Variants in HIVEP3 observed in about 807,000 individuals in gnomAD.
HIVEP3 encodes the protein transcription factor HIVEP3.
In HIVEP3, 49 loss-of-function variants were observed where a neutral mutation model predicts 152.8. The observed-to-expected ratio is 0.32, with a 90% CI of 0.26 to 0.41. The LOEUF (loss-of-function observed/expected upper bound fraction) is 0.41, where lower values mean the gene tolerates loss of function less well. HIVEP3 is among the 10% of genes least tolerant of loss of function. The pLI is 1.00. For synonymous variants in HIVEP3, 1,269 were observed against 1,289.0 expected (o/e 0.98, Z 0.33); for missense variants, 2,790 against 3,103.3 (o/e 0.90, Z 2.40).
rs113197629 is a variant in HIVEP3, at chr1:41,728,485, G to A, written c.-800-27490C>T. ...AAGGCGACAGAGCAGGGGGAGTAAG[G>A]GGGGGTGAAATGTAATCCCAAGGGG... On this transcript the variant is annotated intron_variant, in intron 1 of 8. Transcript: ENST00000372583. Among the ~76,000 whole-genome samples the A allele has an allele frequency of 7.6e-3, 1,159 of 152,198 alleles. 17 individuals are homozygous for A. Among genetic ancestry groups the A allele is most frequent in the African/African-American group, 0.026 (1,077 of 41,512 alleles).
intron 1 of HIVEP3, among the ~76,000 whole-genome samples, chr1:41,823,203 G>A (rs1305775852): frequency 3.3e-5 from 5 of 152,312 alleles, no homozygotes; most frequent in Non-Finnish European, 5.9e-5. Context: ...CCATGCCAGC[G>A]CCTTGGTCTT....
chr1:42,012,258 A>G (rs957617191), intron 1 of HIVEP3, among the ~76,000 whole-genome samples: 2 of 152,200 alleles, frequency 1.3e-5, no homozygotes, highest in Admixed American at 1.3e-4. Context: ...GAGGTACCTT[A>G]TAATTGGTGA....
intron 5 of HIVEP3, among the ~76,000 whole-genome samples, chr1:41,568,490 CG>C (rs1644203147): frequency 6.6e-6 from 1 of 152,222 alleles, no homozygotes; most frequent in African/African-American, 2.4e-5. Context: ...TCGGGGGACA[CG>C]GCGTAGGAGC....
chr1:41,754,242 G>C lies in HIVEP3; in HGVS notation c.-800-53247C>G, dbSNP rs144078875. 8.9e-3 allele frequency among the ~76,000 whole-genome samples: 1,350 copies of C among 152,226 alleles called. 21 individuals are homozygous for C. The highest frequency in any genetic ancestry group is 0.031 in the African/African-American group (1,290 of 41,522). The stretch of plus-strand genomic sequence containing the variant: ...CCCAGGACCTTTGGCTTTCACTCTG[G>C]GTGAGAAGGGAGGATTTTGAGCAGA... On this transcript the variant is annotated intron_variant, in intron 1 of 8. Coordinates refer to ENST00000372583, the MANE Select transcript of HIVEP3 (RefSeq NM_024503.5).
intron 1 of HIVEP3, among the ~76,000 whole-genome samples, chr1:41,856,914 T>C (rs1335553028): frequency 1.3e-5 from 2 of 152,120 alleles, no homozygotes; most frequent in African/African-American, 2.4e-5. Flanking sequence ...AACTGAGTTA[T>C]AATTTATTTT....
chr1:41,805,330 C>T (rs529359218), intron 1 of HIVEP3, among the ~76,000 whole-genome samples: 1 of 152,206 alleles, frequency 6.6e-6, no homozygotes, highest in Non-Finnish European at 1.5e-5. Context: ...GAGTAAGACT[C>T]CCTCTCAAGA....
At chr1:41,985,941 T>A (rs1645320066) in intron 1 of HIVEP3, among the ~76,000 whole-genome samples, 1 of 151,416 alleles carries the variant, frequency 6.6e-6, no homozygotes, top group African/African-American at 2.4e-5. Context: ...AAGTCAGTTT[T>A]AAAAAAAAAG....
intron 1 of HIVEP3, chr1:41,848,921 C>G (rs1050286608): frequency 6.6e-6 from 1 of 152,486 alleles, no homozygotes; most frequent in Non-Finnish European, 1.5e-5. Context: ...TCTTGGGGCT[C>G]CAGAGTGTGC....
At chr1:41,835,391 C>CA (rs1259084260) in intron 1 of HIVEP3, among the ~76,000 whole-genome samples, 1 of 152,206 alleles carries the variant, frequency 6.6e-6, no homozygotes, top group Non-Finnish European at 1.5e-5. Context: ...TAAGGGCATG[C>CA]AAAGGAGAAA....
Position 41,533,130 on chromosome 1 carries a change from A to G in HIVEP3, c.5208-8220T>C, listed in dbSNP as rs1643309889. ...GGCAGTCCTGGTTCAACGACCTGGA[A>G]CCTGTGGCTCCTCTGCTCGTTGAAG... On this transcript the variant is annotated intron_variant, in intron 5 of 8. Coordinates refer to ENST00000372583, the MANE Select transcript of HIVEP3 (RefSeq NM_024503.5). The surrounding 1 kb of genome is among the most constrained non-coding windows in gnomAD (Gnocchi z 4.3). 6.6e-6 allele frequency among the ~76,000 whole-genome samples: 1 copy of G among 152,102 alleles called. No individual in the cohort carries two copies. The highest frequency in any genetic ancestry group is 2.1e-4 in the South Asian group (1 of 4,834).
chr1:41,982,174 C>T (rs1318728927), intron 1 of HIVEP3, among the ~76,000 whole-genome samples: 3 of 152,148 alleles, frequency 2.0e-5, no homozygotes, highest in Non-Finnish European at 2.9e-5. Context: ...GCATTGAAAG[C>T]GAAGCCTTAT....
At chr1:41,829,765 T>A (rs1050479016) in intron 1 of HIVEP3, among the ~76,000 whole-genome samples, 1 of 151,980 alleles carries the variant, frequency 6.6e-6, no homozygotes, top group East Asian at 1.9e-4. Flanking sequence ...TTGTTAGCCT[T>A]TTTTAAAAAA....
At chr1:41,817,781 C>T (rs531777696) in intron 1 of HIVEP3, among the ~76,000 whole-genome samples, 1 of 152,216 alleles carries the variant, frequency 6.6e-6, no homozygotes, top group East Asian at 1.9e-4. Context: ...TGAAGCACTA[C>T]TGGGAGGTTA....
chr1:41,528,092 TCA>T (rs1199974218), intron 5 of HIVEP3, among the ~76,000 whole-genome samples: 1 of 98,422 alleles, frequency 1.0e-5, no homozygotes, highest in East Asian at 3.7e-4. Flanking sequence ...CCTCACACCT[TCA>T]CACTCACACC....
intron 3 of HIVEP3, among the ~76,000 whole-genome samples, chr1:41,602,640 G>A (rs1382316946): frequency 1.3e-5 from 2 of 151,528 alleles, no homozygotes; most frequent in African/African-American, 2.4e-5. Context: ...TTCTAGCATA[G>A]CTAATGATTT....
intron 1 of HIVEP3, among the ~76,000 whole-genome samples, chr1:41,853,530 T>C (rs963308211): frequency 6.6e-6 from 1 of 152,166 alleles, no homozygotes; most frequent in African/African-American, 2.4e-5. Context: ...GCCCCCACGA[T>C]TCAATCACCT....
At chr1:41,676,742 A>T (rs1282817623) in intron 2 of HIVEP3, among the ~76,000 whole-genome samples, 1 of 152,100 alleles carries the variant, frequency 6.6e-6, no homozygotes, top group African/African-American at 2.4e-5. Flanking sequence ...TTCCCTTCAC[A>T]GGAGGCCACC....
At chr1:41,675,535 G>T (rs534989276) in intron 2 of HIVEP3, among the ~76,000 whole-genome samples, 2 of 152,178 alleles carry the variant, frequency 1.3e-5, no homozygotes, top group Non-Finnish European at 2.9e-5. Flanking sequence ...TATGTGTGCA[G>T]TCTTGTCAGA....
chr1:42,024,873 A>G lies in HIVEP3; in HGVS notation n.119+10934T>C, dbSNP rs575971173. ...ATTATTCTTGAAAGGTACTTTGTGC[A>G]TATAATCCTAAGTTTTCAGCTATTT... On this transcript the variant is annotated intron_variant and non_coding_transcript_variant, in intron 1 of 3. Transcript: ENST00000489103. Among the ~76,000 whole-genome samples, 6 of 152,352 alleles carry G rather than the reference A, an allele frequency of 3.9e-5. No homozygotes were observed. The South Asian group carries it at 1.2e-3, about 32-fold the overall frequency.
Sources: allele counts gnomAD v4.1 joint callset (sites outside exome capture counted in the v4.1 genomes callset), GRCh38; gene constraint gnomAD v4.1.1; non-coding constraint Gnocchi (gnomAD v3.1); transcripts MANE v1.5; gene names NCBI Gene and HGNC (gene_info 2026-07-23, HGNC 2026-07-21).